Variants in CEP112 observed in about 807,000 individuals in gnomAD.
The protein encoded by CEP112 is centrosomal protein of 112 kDa.
In CEP112, 127 loss-of-function variants were observed where a neutral mutation model predicts 153.0. That is an observed-to-expected ratio of 0.83 (90% confidence interval 0.72 to 0.96). The LOEUF (loss-of-function observed/expected upper bound fraction) is 0.96. Ranked by LOEUF, CEP112 falls within the 40% of genes least tolerant of loss-of-function variation. The pLI is 0.00. For synonymous variants in CEP112, 358 were observed against 374.4 expected, an observed-to-expected ratio of 0.96 and a Z score of 0.51; for missense variants, 1,089 against 1,101.2, an observed-to-expected ratio of 0.99 and a Z score of 0.16.
At chr17:65,969,975 G>GCATATCACACGCATGTTACACA (rs1484482899) in intron 17 of CEP112, among the ~76,000 whole-genome samples, 33 of 152,184 alleles carry the variant, frequency 2.2e-4, no homozygotes, top group Non-Finnish European at 4.0e-4. Context: ...TGTATAACAT[G>GCATATCACACGCATGTTACACA]CATATCACAC....
At chr17:66,096,497 A>C (rs987151653) in intron 7 of CEP112, 88 bp downstream of exon 7, 3 of 1,135,406 alleles carry the variant, frequency 2.6e-6, no homozygotes, top group Non-Finnish European at 3.9e-6. Context: ...CCTAATGTAG[A>C]TCCGCATTAT....
At chr17:65,972,037 A>G (rs754413693) in intron 17 of CEP112, among the ~76,000 whole-genome samples, 1 of 152,234 alleles carries the variant, frequency 6.6e-6, no homozygotes, top group Non-Finnish European at 1.5e-5. Flanking sequence ...TTTGAAGAAC[A>G]CTATCAAGCA....
intron 8 of CEP112, among the ~76,000 whole-genome samples, chr17:66,070,274 C>T (rs1300256082): frequency 6.6e-6 from 1 of 152,142 alleles, no homozygotes; most frequent in Non-Finnish European, 1.5e-5. Flanking sequence ...TCCCCATTCT[C>T]TCCCGCACAA....
intron 18 of CEP112, among the ~76,000 whole-genome samples, chr17:65,941,790 G>GTT (rs34682208): frequency 4.1e-4 from 60 of 147,878 alleles, no homozygotes; most frequent in East Asian, 2.2e-3. Context: ...TTGTTTTGTT[G>GTT]TTTTTTTTTT....
intron 4 of CEP112, among the ~76,000 whole-genome samples, chr17:66,168,430 T>C (rs1407305646): frequency 6.6e-6 from 1 of 150,602 alleles, no homozygotes; most frequent in Non-Finnish European, 1.5e-5. Context: ...TGTGTATATA[T>C]ATGTATATAT....
At chr17:66,158,638 G>T (rs2071554995) in intron 4 of CEP112, among the ~76,000 whole-genome samples, 1 of 152,060 alleles carries the variant, frequency 6.6e-6, no homozygotes, top group Admixed American at 6.5e-5. Flanking sequence ...AAATAAAGTT[G>T]TTCTTTGAAA....
At chr17:65,675,398 G>A (rs1209260197) in intron 24 of CEP112, among the ~76,000 whole-genome samples, 2 of 152,086 alleles carry the variant, frequency 1.3e-5, no homozygotes, top group Non-Finnish European at 2.9e-5. Context: ...TAGAGATGGG[G>A]TTTCACCATA....
intron 2 of CEP112, among the ~76,000 whole-genome samples, chr17:66,177,954 A>G (rs1216062350): frequency 2.0e-5 from 3 of 152,036 alleles, no homozygotes. Context: ...TTCTTTATCC[A>G]TTTGTCTGTT....
At chr17:65,999,596 G>A (rs1418238530) in intron 17 of CEP112, among the ~76,000 whole-genome samples, 1 of 151,704 alleles carries the variant, frequency 6.6e-6, no homozygotes, top group Non-Finnish European at 1.5e-5. Flanking sequence ...TAAGTCTGGG[G>A]TACATGTGTA....
intron 6 of CEP112, among the ~76,000 whole-genome samples, chr17:66,104,688 A>G (rs1029152590): frequency 5.9e-5 from 9 of 152,158 alleles, no homozygotes; most frequent in African/African-American, 2.2e-4. Context: ...GGGGTCACCA[A>G]TTCCAGGCCT....
chr17:65,985,008 T>C (rs2063352428), intron 17 of CEP112, among the ~76,000 whole-genome samples: 1 of 152,180 alleles, frequency 6.6e-6, no homozygotes, highest in Admixed American at 6.5e-5. Context: ...GGAGAAGTTT[T>C]GGTAACATCA....
chr17:66,180,475 T>C (rs1312335388), intron 2 of CEP112, among the ~76,000 whole-genome samples: 2 of 152,172 alleles, frequency 1.3e-5, no homozygotes, highest in African/African-American at 2.4e-5. Context: ...CTCTGATTTA[T>C]CTAAGCATTT....
chr17:66,029,181 G>T lies in CEP112; in HGVS notation c.1445C>A (p.Thr482Asn). The change falls in exon 14 of 27, where the codon ACC becomes AAC. Residue 482 changes from threonine (T) to asparagine (N), a missense_variant. By Grantham distance (65) the Thr-to-Asn change is moderately conservative. Coordinates refer to ENST00000535342, the MANE Select transcript of CEP112 (RefSeq NM_001199165.4). ...AAGGTTTATATCAGCATCATATTTG[G>T]TTTGTAACAGTTTCATGTTTTGCTC... ...DYEQNMKLLQ[T>N]KYDADINLLK... is the part of the protein sequence containing the mutation. The T allele has an allele frequency of 6.2e-7, 1 of 1,609,658 alleles. No individual in the cohort carries two copies. The highest frequency in any genetic ancestry group is 2.2e-5 in the East Asian group (1 of 44,710).
At chr17:65,776,114 T>C (rs570560272) in intron 21 of CEP112, among the ~76,000 whole-genome samples, 1 of 152,310 alleles carries the variant, frequency 6.6e-6, no homozygotes, top group African/African-American at 2.4e-5. Context: ...TACTTCACAA[T>C]GTCAAGCCGT....
intron 23 of CEP112, among the ~76,000 whole-genome samples, chr17:65,740,248 T>C (rs748595339): frequency 1.3e-5 from 2 of 152,174 alleles, no homozygotes; most frequent in Non-Finnish European, 2.9e-5. Context: ...AGAAAGGATA[T>C]AGAGAATGCT....
chr17:65,865,512 C>G (rs1225318321), intron 20 of CEP112, among the ~76,000 whole-genome samples: 1 of 152,338 alleles, frequency 6.6e-6, no homozygotes, highest in Non-Finnish European at 1.5e-5. Flanking sequence ...CCCAAGGCAA[C>G]CTAGTGCACC....
chr17:66,155,225 T>C (rs2071385279), intron 4 of CEP112, among the ~76,000 whole-genome samples: 1 of 152,080 alleles, frequency 6.6e-6, no homozygotes, highest in Admixed American at 6.5e-5. Context: ...AGACAGTGGG[T>C]GCAGCCCACA....
chr17:65,920,362 A>AAT (rs55934550), intron 19 of CEP112, among the ~76,000 whole-genome samples: 2,957 of 42,174 alleles, frequency 0.07, 122 homozygotes, highest in Non-Finnish European at 0.086. Flanking sequence ...AAACAAACAA[A>AAT]ATATATATAT....
intron 17 of CEP112, among the ~76,000 whole-genome samples, chr17:65,978,749 A>G (rs1390564726): frequency 1.3e-5 from 2 of 152,246 alleles, no homozygotes; most frequent in Non-Finnish European, 2.9e-5. Context: ...TGCAAACTCA[A>G]TTCCTAAGGA....
Sources: allele counts gnomAD v4.1 joint callset (sites outside exome capture counted in the v4.1 genomes callset), GRCh38; gene constraint gnomAD v4.1.1; transcripts MANE v1.5; gene names NCBI Gene and HGNC (gene_info 2026-07-23, HGNC 2026-07-21).